SRGAP2: variants seen among roughly 807,000 people sequenced by gnomAD.
SRGAP2 encodes SLIT-ROBO Rho GTPase activating protein 2, also known as SLIT-ROBO Rho GTPase-activating protein 2.
Under a neutral mutation model 57.2 loss-of-function variants are expected in SRGAP2, and 15 were observed. The observed-to-expected ratio is 0.26, with a 90% CI of 0.18 to 0.40. SRGAP2 has a LOEUF of 0.40. Ranked by LOEUF, SRGAP2 falls within the 10% of genes least tolerant of loss-of-function variation. The pLI is 1.00. For missense variants in SRGAP2, 520 were observed against 669.6 expected (o/e 0.78, Z 2.47); for synonymous variants, 249 against 248.0 (o/e 1.00, Z -0.04).
At chr1:206,407,928 AT>A (rs1307205990) in intron 10 of SRGAP2, 5 of 151,902 alleles carry the variant, frequency 3.3e-5, no homozygotes, top group African/African-American at 4.8e-5. Context: ...ATACAAAAAA[AT>A]AATAGAATGG....
chr1:206,291,707 AC>A (rs1381852792), intron 2 of SRGAP2, among the ~76,000 whole-genome samples: 1 of 149,930 alleles, frequency 6.7e-6, no homozygotes, highest in Non-Finnish European at 1.5e-5. Flanking sequence ...ATATGTGATT[AC>A]TAGTAAATAT....
intron 4 of SRGAP2, among the ~76,000 whole-genome samples, chr1:206,369,034 A>G (rs782146719): frequency 1.3e-4 from 20 of 152,154 alleles, no homozygotes; most frequent in Middle Eastern, 3.2e-3. Flanking sequence ...GACCTAATAT[A>G]TCTCTCATCA....
chr1:206,342,696 G>GGA (rs1675292636), intron 3 of SRGAP2, 150 bp from the exon 4 acceptor site: 1 of 557,614 alleles, frequency 1.8e-6, no homozygotes, highest in Non-Finnish European at 3.3e-6. Flanking sequence ...TTTTAGAAAA[G>GGA]GAGAAAACTA....
At chr1:206,290,512 G>A (rs1461453425) in intron 2 of SRGAP2, among the ~76,000 whole-genome samples, 6 of 151,334 alleles carry the variant, frequency 4.0e-5, no homozygotes, top group African/African-American at 1.2e-4. Flanking sequence ...CGTGGTGGCA[G>A]GTGCCTGTAA....
chr1:206,460,938 C>T (rs1410238532), intron 22 of SRGAP2, 99 bp from the exon 23 acceptor site: 6 of 602,818 alleles, frequency 1.0e-5, no homozygotes, highest in East Asian at 2.6e-5. Flanking sequence ...GGACATCTTA[C>T]GGTCATTTTC....
At chr1:206,366,235 C>G (rs1481064243) in intron 4 of SRGAP2, among the ~76,000 whole-genome samples, 3 of 152,230 alleles carry the variant, frequency 2.0e-5, no homozygotes, top group Non-Finnish European at 4.4e-5. Context: ...GACCCCATCT[C>G]AACTTGCTGG....
intron 13 of SRGAP2, among the ~76,000 whole-genome samples, chr1:206,426,128 C>T (rs1172607391): frequency 6.6e-6 from 1 of 152,100 alleles, no homozygotes; most frequent in Non-Finnish European, 1.5e-5. Flanking sequence ...ACCCCTCACT[C>T]CCCGCTACCC....
At chr1:206,414,602 G>A (rs571644926) in intron 10 of SRGAP2, among the ~76,000 whole-genome samples, 2 of 152,044 alleles carry the variant, frequency 1.3e-5, no homozygotes, top group South Asian at 4.2e-4. Flanking sequence ...AACCACTGCA[G>A]CAGGAGGTGA....
At chr1:206,352,500 AT>A (rs1676107800) in intron 4 of SRGAP2, among the ~76,000 whole-genome samples, 1 of 74,616 alleles carries the variant, frequency 1.3e-5, no homozygotes, top group Non-Finnish European at 2.5e-5. Context: ...AGCTCAATGA[AT>A]TTTTACAAAC....
chr1:206,401,116 T>G (rs1442114722), intron 7 of SRGAP2, among the ~76,000 whole-genome samples: 1 of 152,130 alleles, frequency 6.6e-6, no homozygotes, highest in Non-Finnish European at 1.5e-5. Context: ...TGAAAGAGGA[T>G]TCTCTTTAAC....
At chr1:206,458,014 G>A (rs559289792) in intron 21 of SRGAP2, among the ~76,000 whole-genome samples, 1 of 152,284 alleles carries the variant, frequency 6.6e-6, no homozygotes, top group East Asian at 1.9e-4. Flanking sequence ...CCCAGTGCTG[G>A]GTGACTTGGG....
At chr1:206,342,181 TA>T (rs1384502685) in intron 3 of SRGAP2, among the ~76,000 whole-genome samples, 36 of 152,156 alleles carry the variant, frequency 2.4e-4, no homozygotes, top group African/African-American at 7.9e-4. Flanking sequence ...GAGTTTTCAG[TA>T]ACATTTTAAT....
chr1:206,342,042 C>G (rs527991315), intron 3 of SRGAP2, among the ~76,000 whole-genome samples: 4 of 152,124 alleles, frequency 2.6e-5, no homozygotes, highest in African/African-American at 7.2e-5. Context: ...CTTTACTGCT[C>G]CACTCAAGCT....
In SRGAP2 at chr1:206,332,855, A is replaced by G. The variant is rs1366852735; in HGVS notation, c.261-9991A>G. The stretch of plus-strand genomic sequence containing the variant: ...AGCTTTGTTCCGTTGCTGGTGAGGA[A>G]CTGCGTTCCTTTGGAGGAGGAGAGG... On this transcript the variant is annotated intron_variant, in intron 3 of 22. Coordinates refer to ENST00000573034, the MANE Select transcript of SRGAP2 (RefSeq NM_015326.5). 1.7e-4 allele frequency among the ~76,000 whole-genome samples: 25 copies of G among 151,006 alleles called. No homozygotes were observed. In the South Asian group the frequency reaches 4.6e-3, roughly 28 times the overall value.
rs141991629 is a variant in SRGAP2 at position 206,436,728 on chromosome 1, G to A, written c.1556-237G>A. Among the ~76,000 whole-genome samples the A allele has an allele frequency of 7.4e-4, 113 of 152,300 alleles. 2 individuals are homozygous for A. The East Asian group carries it at 0.019, about 26-fold the overall frequency. ...AAGGGAAGGAATCTGCCTCATAGTC[G>A]CCCTTGGAGTCAAAGGAGTCTCTAA... On this transcript the variant is annotated intron_variant, in intron 14 of 22. Transcript: ENST00000573034.
chr1:206,462,727 A>G lies in SRGAP2; in HGVS notation c.*1307A>G, dbSNP rs991901456. Reference sequence around the variant, plus strand: ...AAGTCTTCCCAAGGCCAGAATCGAAAGAAAATTAAAATTTGAATGCTGAAT... The same window carrying G: ...AAGTCTTCCCAAGGCCAGAATCGAAGGAAAATTAAAATTTGAATGCTGAAT... On this transcript the variant is annotated 3_prime_UTR_variant, in exon 23 of 23. Coordinates refer to ENST00000573034, the MANE Select transcript of SRGAP2 (RefSeq NM_015326.5). 1.4e-4 allele frequency: 22 copies of G among 152,202 alleles called. No homozygotes were observed. Among genetic ancestry groups the G allele is most frequent in the African/African-American group, 5.3e-4 (22 of 41,444 alleles). The allele number at this position is 152,202 out of a possible 1,614,324, so 9.4% of individuals were successfully genotyped here. A position where few individuals can be genotyped will look rare whatever the true frequency, so the allele number is the denominator to read the frequency against.
intron 2 of SRGAP2, among the ~76,000 whole-genome samples, chr1:206,256,724 C>T (rs1361886299): frequency 6.6e-6 from 1 of 151,132 alleles, no homozygotes; most frequent in African/African-American, 2.4e-5. Flanking sequence ...TGAGTGGCTG[C>T]CTGCCAGGTA....
At chr1:206,372,961 T>TTTCCTTCC (rs1333006599) in intron 4 of SRGAP2, among the ~76,000 whole-genome samples, 1 of 11,042 alleles carries the variant, frequency 9.1e-5, no homozygotes, top group Non-Finnish European at 1.6e-4. Flanking sequence ...CTTTCTTTTC[T>TTTCCTTCC]TTCCTTTCTT....
At chr1:206,370,741 G>A (rs1448520389) in intron 4 of SRGAP2, among the ~76,000 whole-genome samples, 3 of 152,206 alleles carry the variant, frequency 2.0e-5, no homozygotes, top group African/African-American at 7.2e-5. Flanking sequence ...GAATTGTACA[G>A]TGTGTGAATT....
Sources: gnomAD v4.1 joint callset for allele counts (sites outside exome capture counted in the v4.1 genomes callset) on GRCh38, gnomAD v4.1.1 for gene constraint, MANE v1.5 for transcripts, NCBI Gene and HGNC (gene_info 2026-07-23, HGNC 2026-07-21) for gene names.